The following PRIMA1 variants were observed in gnomAD, a reference collection of about 807,000 sequenced individuals.
PRIMA1 encodes proline-rich membrane anchor 1.
In PRIMA1, 7 loss-of-function variants were observed where a neutral mutation model predicts 17.5. The observed-to-expected ratio is 0.40, with a 90% CI of 0.23 to 0.75. The LOEUF (loss-of-function observed/expected upper bound fraction) is 0.75. Among genes scored for constraint, PRIMA1 ranks in the 30% least tolerant of loss-of-function variants. The probability of loss-of-function intolerance (pLI) is 0.37; values close to 1 mark genes in which losing one functional copy is unlikely to be tolerated. For missense variants in PRIMA1, 200 were observed against 201.8 expected (o/e 0.99, Z 0.05); for synonymous variants, 97 against 77.9 (o/e 1.25, Z -1.29).
intron 3 of PRIMA1, among the ~76,000 whole-genome samples, chr14:93,767,801 A>G (rs1043272401): frequency 6.6e-6 from 1 of 152,204 alleles, no homozygotes; most frequent in Non-Finnish European, 1.5e-5. Context: ...ATGAGCCATC[A>G]TCCCCACTAG....
At chr14:93,769,672 G>C (rs1885000796) in intron 3 of PRIMA1, among the ~76,000 whole-genome samples, 1 of 152,188 alleles carries the variant, frequency 6.6e-6, no homozygotes, top group Admixed American at 6.5e-5. Context: ...CACTTGCTGT[G>C]CCTGTCGCTC....
chr14:93,727,763 C>T (rs1566963081), intron 4 of PRIMA1, among the ~76,000 whole-genome samples: 3 of 151,942 alleles, frequency 2.0e-5, no homozygotes, highest in Non-Finnish European at 1.5e-5. Flanking sequence ...TCACGGAACC[C>T]CCCTTCACCT....
intron 3 of PRIMA1, among the ~76,000 whole-genome samples, chr14:93,749,859 A>G (rs752623016): frequency 2.7e-4 from 41 of 152,166 alleles, no homozygotes; most frequent in Middle Eastern, 3.4e-3. Flanking sequence ...CCTGGGCAAC[A>G]TAGCAAGACA....
At position 93,726,046 on chromosome 14, in the gene PRIMA1, G is replaced by A. The variant is rs770619911; in HGVS notation, c.360-4500C>T. The A allele has an allele frequency of 6.1e-5, 28 of 456,538 alleles. No homozygotes were observed. The highest frequency in any genetic ancestry group is 1.4e-4 in the African/African-American group (7 of 50,162). 28.3% of individuals were successfully genotyped at this position (456,538 alleles called of 1,614,324 possible). On this transcript the variant is annotated intron_variant, in intron 4 of 4. Coordinates refer to ENST00000393140, the MANE Select transcript of PRIMA1 (RefSeq NM_178013.4). The surrounding 1 kb of genome is among the most constrained non-coding windows in gnomAD (Gnocchi z 4.2). ...AGAGGTTAGTGAGACTTTCCTTGGC[G>A]GCACCCAGGATTCCTGCTTGTAGGA...
At position 93,737,311 on chromosome 14, in the gene PRIMA1, T is replaced by C. The variant is rs1474775768; in HGVS notation, c.289A>G (p.Ile97Val). Reference sequence around the variant, plus strand: ...ACCAGGGAGGCACAGCATACGGCAATGATGATCACCAGCCCCGACCACCAG... The same window carrying C: ...ACCAGGGAGGCACAGCATACGGCAACGATGATCACCAGCCCCGACCACCAG... ...ESWWSGLVII[I>V]AVCCASLVFL... Residue 97 changes from isoleucine to valine, a missense_variant, in exon 4 of 5, where the codon ATT becomes GTT. Physicochemically the swap from Ile to Val is conservative, Grantham distance 29 (BLOSUM62 3). Coordinates refer to ENST00000393140, the MANE Select transcript of PRIMA1 (RefSeq NM_178013.4). The C allele has an allele frequency of 1.9e-6, 3 of 1,613,928 alleles. No individual in the cohort carries two copies. The African/African-American group carries it at 4.0e-5, about 22-fold the overall frequency.
chr14:93,764,186 G>T (rs1023630186), intron 3 of PRIMA1, among the ~76,000 whole-genome samples: 5 of 151,762 alleles, frequency 3.3e-5, no homozygotes, highest in African/African-American at 1.2e-4. Flanking sequence ...GGCTTGGCCC[G>T]CCCTCACCCC....
At chr14:93,742,811 C>T (rs978939865) in intron 3 of PRIMA1, among the ~76,000 whole-genome samples, 2 of 152,170 alleles carry the variant, frequency 1.3e-5, no homozygotes, top group African/African-American at 4.8e-5. Flanking sequence ...GGCACAATGG[C>T]GCATAGCTCA....
chr14:93,728,379 A>G (rs2076093071), intron 4 of PRIMA1, among the ~76,000 whole-genome samples: 1 of 152,218 alleles, frequency 6.6e-6, no homozygotes, highest in Non-Finnish European at 1.5e-5. Flanking sequence ...AGCGAGGTCC[A>G]GGGGATGAGA....
At chr14:93,758,136 T>C (rs1385676523) in intron 3 of PRIMA1, among the ~76,000 whole-genome samples, 1 of 152,172 alleles carries the variant, frequency 6.6e-6, no homozygotes. Flanking sequence ...TCCTCCTGGG[T>C]ACACCCCTGT....
At chr14:93,763,002 C>G (rs886397134) in intron 3 of PRIMA1, among the ~76,000 whole-genome samples, 1 of 152,176 alleles carries the variant, frequency 6.6e-6, no homozygotes, top group African/African-American at 2.4e-5. Flanking sequence ...TGCCACCTGA[C>G]CCGACCCCAG....
intron 2 of PRIMA1, 26 bp downstream of exon 2, chr14:93,787,600 G>T: frequency 6.5e-7 from 1 of 1,538,922 alleles, no homozygotes. Context: ...GGCCCTCCCA[G>T]CCAGTGCGCA....
intron 3 of PRIMA1, among the ~76,000 whole-genome samples, chr14:93,744,159 C>T (rs1252646749): frequency 6.6e-6 from 1 of 152,246 alleles, no homozygotes; most frequent in Non-Finnish European, 1.5e-5. Flanking sequence ...CTCTCAGCCT[C>T]ATTTATGAAC....
chr14:93,751,598 C>A (rs1027513847), intron 3 of PRIMA1, among the ~76,000 whole-genome samples: 1 of 152,188 alleles, frequency 6.6e-6, no homozygotes, highest in Non-Finnish European at 1.5e-5. Context: ...ATGACTCCTT[C>A]CCAGGACCAC....
chr14:93,720,353 G>A lies in PRIMA1; in HGVS notation c.*1091C>T, dbSNP rs1036622463. ...CTCCAACCACGCTGGAGGGCTCAGC[G>A]CTTCTATAGCATGAGACTGTGGAAA... On this transcript the variant is annotated 3_prime_UTR_variant, in exon 5 of 5. Transcript: ENST00000393140. 2.0e-5 allele frequency: 3 copies of A among 152,296 alleles called. No homozygotes were observed. The highest frequency in any genetic ancestry group is 4.8e-5 in the African/African-American group (2 of 41,462). The allele number at this position is 152,296 out of a possible 1,614,324, so 9.4% of individuals were successfully genotyped here. A position where few individuals can be genotyped will look rare whatever the true frequency, so the allele number is the denominator to read the frequency against.
chr14:93,725,540 G>A (rs1252139436), intron 4 of PRIMA1, among the ~76,000 whole-genome samples: 1 of 152,166 alleles, frequency 6.6e-6, no homozygotes, highest in Non-Finnish European at 1.5e-5. Context: ...TCAAGGCTCA[G>A]TAAACCCCCG....
At chr14:93,750,876 C>T (rs1022488391) in intron 3 of PRIMA1, among the ~76,000 whole-genome samples, 6 of 152,206 alleles carry the variant, frequency 3.9e-5, no homozygotes, top group African/African-American at 4.8e-5. Flanking sequence ...GGGCACAGGG[C>T]TCCATCTTGC....
chr14:93,776,407 C>T (rs1885223026), intron 3 of PRIMA1, among the ~76,000 whole-genome samples: 1 of 152,186 alleles, frequency 6.6e-6, no homozygotes, highest in South Asian at 2.1e-4. Flanking sequence ...TCTCTGTACT[C>T]AACCAAGCAC....
intron 2 of PRIMA1, among the ~76,000 whole-genome samples, chr14:93,781,553 C>A (rs1222032454): frequency 1.3e-5 from 2 of 152,202 alleles, no homozygotes; most frequent in Non-Finnish European, 2.9e-5. Flanking sequence ...TTTAACCTGG[C>A]CCGACACAAT....
At chr14:93,771,430 A>T (rs1369471541) in intron 3 of PRIMA1, among the ~76,000 whole-genome samples, 1 of 152,222 alleles carries the variant, frequency 6.6e-6, no homozygotes, top group Non-Finnish European at 1.5e-5. Context: ...AGGCGGCATC[A>T]CATGGAGTGT....
Sources: gnomAD v4.1 joint callset for allele counts (sites outside exome capture counted in the v4.1 genomes callset) on GRCh38, gnomAD v4.1.1 for gene constraint, Gnocchi (gnomAD v3.1) non-coding constraint, MANE v1.5 for transcripts, NCBI Gene and HGNC (gene_info 2026-07-23, HGNC 2026-07-21) for gene names.